The following NT5DC1 variants were observed in gnomAD, a reference collection of about 807,000 sequenced individuals.
NT5DC1 encodes 5'-nucleotidase domain-containing protein 1.
NT5DC1 carries 42 observed loss-of-function variants against 59.4 expected under a neutral mutation model. That is an observed-to-expected ratio of 0.71 (90% CI 0.55 to 0.92). The LOEUF is 0.92. Ranked by LOEUF, NT5DC1 falls within the 40% of genes least tolerant of loss-of-function variation. The pLI is 0.00. For synonymous variants in NT5DC1, 172 were observed against 188.1 expected, an observed-to-expected ratio of 0.91 and a Z score of 0.70; for missense variants, 501 against 537.1, an observed-to-expected ratio of 0.93 and a Z score of 0.66.
chr6:116,207,877 C>T lies in NT5DC1; in HGVS notation c.530-13177C>T, dbSNP rs180814017. On this transcript the variant is annotated intron_variant, in intron 6 of 11. Transcript: ENST00000319550. ...ATCATTATGGAATGAGGACTGGGTT[C>T]CCATCACAGATTATTTTTGTTATTT... Among the ~76,000 whole-genome samples, 785 of 151,978 alleles carry T rather than the reference C, an allele frequency of 5.2e-3. 7 individuals carry two copies. The highest frequency in any genetic ancestry group is 0.017 in the African/African-American group (726 of 41,506).
At chr6:116,122,006 A>T in intron 6 of NT5DC1, 1 of 1,522,958 alleles carries the variant, frequency 6.6e-7, no homozygotes, top group Non-Finnish European at 9.0e-7. Flanking sequence ...GGGGATGGTT[A>T]GTGACATTAA....
chr6:116,178,375 C>A (rs1780800207), intron 6 of NT5DC1, among the ~76,000 whole-genome samples: 1 of 152,084 alleles, frequency 6.6e-6, no homozygotes. Flanking sequence ...TTGAAGTCAG[C>A]CTTTCTTGAT....
chr6:116,154,567 T>A (rs1780133510), intron 6 of NT5DC1, among the ~76,000 whole-genome samples: 1 of 152,146 alleles, frequency 6.6e-6, no homozygotes, highest in Non-Finnish European at 1.5e-5. Flanking sequence ...TTTGCTTTTT[T>A]AAAAAATGCT....
chr6:116,201,477 C>T (rs1342473654), intron 6 of NT5DC1, among the ~76,000 whole-genome samples: 1 of 151,912 alleles, frequency 6.6e-6, no homozygotes, highest in Non-Finnish European at 1.5e-5. Flanking sequence ...ATCAAATTTC[C>T]CTAATGAGAC....
intron 8 of NT5DC1, among the ~76,000 whole-genome samples, chr6:116,232,768 A>G (rs992038608): frequency 1.3e-5 from 2 of 152,180 alleles, no homozygotes; most frequent in Admixed American, 6.5e-5. Context: ...CAAAAACTTT[A>G]CTGTTTTTTA....
chr6:116,194,771 T>A (rs928926111), intron 6 of NT5DC1, among the ~76,000 whole-genome samples: 4 of 152,062 alleles, frequency 2.6e-5, no homozygotes, highest in Non-Finnish European at 5.9e-5. Flanking sequence ...CTAAAGGTAG[T>A]GGCTTTTGGG....
At chr6:116,121,383 G>T (rs555747394) in intron 6 of NT5DC1, 1 of 1,614,088 alleles carries the variant, frequency 6.2e-7, no homozygotes, top group South Asian at 1.1e-5. Context: ...GGGCCAATTG[G>T]TCCCATTTCT....
chr6:116,222,410 C>A (rs774654107), intron 7 of NT5DC1, among the ~76,000 whole-genome samples: 1 of 152,060 alleles, frequency 6.6e-6, no homozygotes, highest in African/African-American at 2.4e-5. Flanking sequence ...TACTGTTTCC[C>A]CCATTGTAAT....
intron 8 of NT5DC1, among the ~76,000 whole-genome samples, chr6:116,227,717 A>C (rs1781936639): frequency 6.6e-6 from 1 of 151,842 alleles, no homozygotes; most frequent in Non-Finnish European, 1.5e-5. Context: ...ATGCTTAGTG[A>C]TGTTGAGCAC....
intron 11 of NT5DC1, 72 bp downstream of exon 11, chr6:116,239,195 T>G (rs1281191313): frequency 3.5e-6 from 4 of 1,148,648 alleles, no homozygotes; most frequent in Admixed American, 2.3e-5. Flanking sequence ...ATTCTTGTCT[T>G]TAAGAAAAAG....
chr6:116,171,178 ACC>A (rs1780597138), intron 6 of NT5DC1, among the ~76,000 whole-genome samples: 1 of 152,150 alleles, frequency 6.6e-6, no homozygotes, highest in East Asian at 1.9e-4. Flanking sequence ...AGGTTAAATG[ACC>A]CACTTATATT....
At chr6:116,222,782 A>G (rs1204799) in intron 7 of NT5DC1, among the ~76,000 whole-genome samples, 64,699 of 152,026 alleles carry the variant, frequency 0.43, 17,746 homozygotes, top group African/African-American at 0.78. Context: ...CCTAGAGTCT[A>G]TGTGCTACTC....
chr6:116,199,123 G>A (rs1396978435), intron 6 of NT5DC1, among the ~76,000 whole-genome samples: 1 of 151,880 alleles, frequency 6.6e-6, no homozygotes, highest in Non-Finnish European at 1.5e-5. Context: ...GGGGTGAGGG[G>A]AGCTAAATCA....
intron 6 of NT5DC1, among the ~76,000 whole-genome samples, chr6:116,172,767 C>G (rs938537761): frequency 1.3e-5 from 2 of 152,074 alleles, no homozygotes; most frequent in African/African-American, 4.8e-5. Flanking sequence ...ACTCAGGCAT[C>G]AAAAATAGTC....
At chr6:116,191,526 T>C (rs1175100281) in intron 6 of NT5DC1, among the ~76,000 whole-genome samples, 1 of 152,074 alleles carries the variant, frequency 6.6e-6, no homozygotes, top group Non-Finnish European at 1.5e-5. Context: ...AATCACTGTC[T>C]AACTCAAAAA....
intron 6 of NT5DC1, among the ~76,000 whole-genome samples, chr6:116,134,468 T>C (rs1779540702): frequency 6.6e-6 from 1 of 152,232 alleles, no homozygotes; most frequent in Non-Finnish European, 1.5e-5. Context: ...AAATCCACTC[T>C]ATACAAGTAG....
chr6:116,130,894 C>T (rs1779441782), intron 6 of NT5DC1, among the ~76,000 whole-genome samples: 1 of 151,666 alleles, frequency 6.6e-6, no homozygotes, highest in African/African-American at 2.4e-5. Flanking sequence ...AAATATAAGC[C>T]GTTTGATTAT....
At chr6:116,193,996 ATGATCACCCCAC>A (rs2114497157) in intron 6 of NT5DC1, among the ~76,000 whole-genome samples, 1 of 152,142 alleles carries the variant, frequency 6.6e-6, no homozygotes, top group Non-Finnish European at 1.5e-5. Flanking sequence ...CCCAGGATCC[ATGATCACCCCAC>A]TGTACTCCAG....
rs1238680379 is a variant in NT5DC1 at position 116,244,943 on chromosome 6, T to C, written c.*919T>C. 1 of 152,196 alleles carries C rather than the reference T, an allele frequency of 6.6e-6. No homozygotes were observed. Among genetic ancestry groups the C allele is most frequent in the Non-Finnish European group, 1.5e-5 (1 of 68,010 alleles). 9.4% of individuals were successfully genotyped at this position (152,196 alleles called of 1,614,324 possible). A position where few individuals can be genotyped will look rare whatever the true frequency, so the allele number is the denominator to read the frequency against. Reference sequence around the variant, plus strand: ...TCTTGGGGTGAAAAAATATTAGATATGGCTTGTGGACTTCCAATATCATCC... The same window carrying C: ...TCTTGGGGTGAAAAAATATTAGATACGGCTTGTGGACTTCCAATATCATCC... On this transcript the variant is annotated 3_prime_UTR_variant, in exon 12 of 12. Coordinates refer to ENST00000319550, the MANE Select transcript of NT5DC1 (RefSeq NM_152729.3).
Sources: allele counts gnomAD v4.1 joint callset (sites outside exome capture counted in the v4.1 genomes callset), GRCh38; gene constraint gnomAD v4.1.1; transcripts MANE v1.5; gene names NCBI Gene and HGNC (gene_info 2026-07-23, HGNC 2026-07-21).